The following SETX variants were observed in gnomAD, a reference collection of about 807,000 sequenced individuals.
SETX encodes the protein senataxin.
A neutral mutation model predicts 227.2 loss-of-function variants in SETX; 90 were observed. The ratio of observed to expected loss-of-function variants is 0.40; its 90% CI spans 0.33 to 0.47. SETX has a LOEUF of 0.47. SETX is among the 20% of genes least tolerant of loss of function. The pLI, the probability that SETX is intolerant of heterozygous loss-of-function variation, is 0.91. For synonymous variants in SETX, 1,210 were observed against 1,113.2 expected, an observed-to-expected ratio of 1.09 and a Z score of -1.73; for missense variants, 3,052 against 3,181.5, an observed-to-expected ratio of 0.96 and a Z score of 0.98.
At chr9:132,347,600 G>A (rs1848363018) in intron 3 of SETX, among the ~76,000 whole-genome samples, 1 of 151,818 alleles carries the variant, frequency 6.6e-6, no homozygotes, top group South Asian at 2.1e-4. Flanking sequence ...GTAAGCTACA[G>A]CACTCAGCCT....
At position 132,263,907 on chromosome 9, in the gene SETX, G is replaced by T; in HGVS notation, c.*332C>A. On this transcript the variant is annotated 3_prime_UTR_variant, in exon 26 of 26. Transcript: ENST00000224140. ...GGTCTACTAGATTAAATTTTAAAAG[G>T]ATTTTGTTATTTGCTATACAAATAT... 3.7e-6 allele frequency: 1 copy of T among 273,628 alleles called. No individual in the cohort carries two copies. Among genetic ancestry groups the T allele is most frequent in the Non-Finnish European group, 7.0e-6 (1 of 142,282 alleles). The allele number at this position is 273,628 out of a possible 1,614,324, so 17.0% of individuals were successfully genotyped here.
chr9:132,337,707 A>G (rs1023268221), intron 5 of SETX, among the ~76,000 whole-genome samples: 1 of 152,206 alleles, frequency 6.6e-6, no homozygotes, highest in African/African-American at 2.4e-5. Flanking sequence ...AAGACTCTTG[A>G]TTACTGTACA....
At chr9:132,339,898 A>G (rs936357769) in intron 5 of SETX, among the ~76,000 whole-genome samples, 1 of 152,162 alleles carries the variant, frequency 6.6e-6, no homozygotes, top group Non-Finnish European at 1.5e-5. Context: ...TACAGGAATG[A>G]GTCACCGTGC....
chr9:132,283,384 ACT>A lies in SETX; in HGVS notation c.6424_6425del (p.Ser2142TyrfsTer22). The stretch of plus-strand genomic sequence containing the variant: ...TGATATGGGACTCTAAGATGATGAT[ACT>A]CTGTGTTTTCTGTGGGCGTCCTTGA... ...EVQGRPQKTQSIIILESHIIC... is the reference protein window; with the variant it reads ...EVQGRPQKTQXIIILESHIIC... On this transcript the variant is annotated frameshift_variant, in exon 19 of 26. Coordinates refer to ENST00000224140, the MANE Select transcript of SETX (RefSeq NM_015046.7). LOFTEE classifies it high-confidence loss of function. The A allele has an allele frequency of 2.5e-6, 4 of 1,614,174 alleles. No individual in the cohort carries two copies. The highest frequency in any genetic ancestry group is 3.4e-6 in the Non-Finnish European group (4 of 1,180,032).
At position 132,282,185 on chromosome 9, in the gene SETX, A is replaced by C. The variant is rs147085888; in HGVS notation, c.6547-611T>G. 9.2e-3 allele frequency among the ~76,000 whole-genome samples: 1,397 copies of C among 152,050 alleles called. 12 individuals are homozygous for C. Among genetic ancestry groups the C allele is most frequent in the South Asian group, 0.018 (89 of 4,820 alleles). On this transcript the variant is annotated intron_variant, in intron 19 of 25. Transcript: ENST00000224140. ...GAACCAGCCGTAAGTTCAGAAGGCCATGCACATCCTAGATGCGTGCTTTTT... is the reference window on the plus strand; with the variant it reads ...GAACCAGCCGTAAGTTCAGAAGGCCCTGCACATCCTAGATGCGTGCTTTTT...
intron 11 of SETX, among the ~76,000 whole-genome samples, chr9:132,306,787 A>T (rs1189698515): frequency 6.6e-6 from 1 of 152,074 alleles, no homozygotes. Context: ...TGTGATCATA[A>T]CACAGCATAG....
intron 3 of SETX, among the ~76,000 whole-genome samples, chr9:132,348,547 G>A (rs191217353): frequency 6.6e-6 from 1 of 152,144 alleles, no homozygotes; most frequent in East Asian, 1.9e-4. Flanking sequence ...ATAAAATTCT[G>A]ATCCAGGTTT....
In SETX at chr9:132,324,981, C is replaced by A. The variant is rs181816767; in HGVS notation, c.5274+1343G>T. ...GGAATCTTATCGTTTGTCAACTCTA[C>A]TTGAGTAAGGAGGAGAGAAGAACCA... is the stretch of plus-strand genomic sequence containing the variant. On this transcript the variant is annotated intron_variant, in intron 10 of 25. Transcript: ENST00000224140. Among the ~76,000 whole-genome samples, 5 of 152,262 alleles carry A rather than the reference C, an allele frequency of 3.3e-5. No individual in the cohort carries two copies. In the East Asian group the frequency reaches 7.7e-4, roughly 24 times the overall value.
intron 2 of SETX, among the ~76,000 whole-genome samples, chr9:132,350,648 GATT>G (rs1848552676): frequency 6.6e-6 from 1 of 152,082 alleles, no homozygotes; most frequent in African/African-American, 2.4e-5. Context: ...CATATGAATT[GATT>G]TTTTAAAATT....
At position 132,315,163 on chromosome 9, in the gene SETX, T is replaced by A. The variant is rs537684869; in HGVS notation, c.5275-3307A>T. On this transcript the variant is annotated intron_variant, in intron 10 of 25. Transcript: ENST00000224140. Reference sequence around the variant, plus strand: ...TCCTGACCTCAAGTGATGATCCGCCTACTGTGGCCTTCCCAAGTGTTGGGA... The same window carrying A: ...TCCTGACCTCAAGTGATGATCCGCCAACTGTGGCCTTCCCAAGTGTTGGGA... 3.0e-4 allele frequency among the ~76,000 whole-genome samples: 45 copies of A among 152,248 alleles called. No homozygotes were observed. The South Asian group carries it at 9.1e-3, about 31-fold the overall frequency.
chr9:132,324,338 T>C (rs537630948), intron 10 of SETX, among the ~76,000 whole-genome samples: 172 of 152,302 alleles, frequency 1.1e-3, no homozygotes, highest in African/African-American at 4.0e-3. Flanking sequence ...ATAAAGTACA[T>C]TGATGAAGAT....
intron 19 of SETX, among the ~76,000 whole-genome samples, chr9:132,282,119 T>C (rs1052347733): frequency 6.6e-6 from 1 of 151,262 alleles, no homozygotes; most frequent in Non-Finnish European, 1.5e-5. Flanking sequence ...ATCAAACTTG[T>C]ATTTTTGAAG....
chr9:132,288,170 T>C, intron 17 of SETX, 66 bp downstream of exon 17: 2 of 1,268,562 alleles, frequency 1.6e-6, no homozygotes, highest in South Asian at 1.2e-5. Context: ...AGCAAGACTC[T>C]GTCTCAAAAA....
At position 132,346,272 on chromosome 9, in the gene SETX, T is replaced by G. The variant is rs368932301; in HGVS notation, c.377A>C (p.His126Pro). The G allele has an allele frequency of 2.5e-6, 4 of 1,612,968 alleles. No individual in the cohort carries two copies. The highest frequency in any genetic ancestry group is 1.3e-5 in the African/African-American group (1 of 74,910). Reference sequence around the variant, plus strand: ...ATCAAGATACTCACTAACACGTTCATGTAGAAGCAAGTAAGGATATTTCAG... The same window carrying G: ...ATCAAGATACTCACTAACACGTTCAGGTAGAAGCAAGTAAGGATATTTCAG... ...EILKYPYLLL[H>P]ERVNELCVEA... Residue 126 changes from histidine (H) to proline (P), a missense_variant, in exon 4 of 26, where the codon CAT becomes CCT. Transcript: ENST00000224140.
intron 25 of SETX, among the ~76,000 whole-genome samples, chr9:132,267,904 G>A (rs1468752884): frequency 2.0e-5 from 3 of 152,156 alleles, no homozygotes; most frequent in Admixed American, 2.0e-4. Context: ...ACACCATGAG[G>A]TGCCAACTTA....
rs747013782 is a variant in SETX at position 132,326,918 on chromosome 9, G to T, written c.4680C>A (p.Asn1560Lys). 4 of 1,614,004 alleles carry T rather than the reference G, an allele frequency of 2.5e-6. No individual in the cohort carries two copies. The highest frequency in any genetic ancestry group is 3.4e-6 in the Non-Finnish European group (4 of 1,180,028). ...AGTGTTTTGGGCAGTATTCACCCTGGTTTTTTGTGGTTTCAAGACAATCTT... is the reference window on the plus strand; with the variant it reads ...AGTGTTTTGGGCAGTATTCACCCTGTTTTTTTGTGGTTTCAAGACAATCTT... ...KYKDCLETTK[N>K]QGEYCPKHSE... Residue 1560 changes from asparagine to lysine, a missense_variant, in exon 10 of 26, where the codon AAC becomes AAA. Physicochemically the swap from Asn to Lys is moderately conservative, Grantham distance 94. Coordinates refer to ENST00000224140, the MANE Select transcript of SETX (RefSeq NM_015046.7).
chr9:132,320,065 A>G (rs185494298), intron 10 of SETX, among the ~76,000 whole-genome samples: 23 of 152,312 alleles, frequency 1.5e-4, no homozygotes, highest in Admixed American at 5.9e-4. Context: ...TAACACTTTT[A>G]TGTGTTAAAT....
At chr9:132,310,153 A>G (rs1845570581) in intron 11 of SETX, among the ~76,000 whole-genome samples, 1 of 152,200 alleles carries the variant, frequency 6.6e-6, no homozygotes, top group South Asian at 2.1e-4. Context: ...GACAGCTACT[A>G]AATATGTGAA....
In SETX at chr9:132,288,682, T is replaced by C. The variant is rs758390894; in HGVS notation, c.6107-31A>G. ...GATAAGAATCACAGTTAAGGACTAATAAGGACACTGCTGATCAATCCTGTC... is the reference window on the plus strand; with the variant it reads ...GATAAGAATCACAGTTAAGGACTAACAAGGACACTGCTGATCAATCCTGTC... On this transcript the variant is annotated intron_variant, in intron 15 of 25. Coordinates refer to ENST00000224140, the MANE Select transcript of SETX (RefSeq NM_015046.7). 5 of 1,363,726 alleles carry C rather than the reference T, an allele frequency of 3.7e-6. No homozygotes were observed. The Admixed American group carries it at 6.7e-5, about 18-fold the overall frequency. The allele number at this position is 1,363,726 out of a possible 1,614,324, so 84.5% of individuals were successfully genotyped here.
Sources: allele counts gnomAD v4.1 joint callset (sites outside exome capture counted in the v4.1 genomes callset), GRCh38; gene constraint gnomAD v4.1.1; transcripts MANE v1.5; gene names NCBI Gene and HGNC (gene_info 2026-07-23, HGNC 2026-07-21).